The following CNTNAP3 variants were observed in gnomAD, a reference collection of about 807,000 sequenced individuals.
The protein encoded by CNTNAP3 is contactin associated protein family member 3, also known as contactin-associated protein-like 3.
In CNTNAP3, 36 loss-of-function variants were observed where a neutral mutation model predicts 92.1. The observed-to-expected ratio is 0.39, with a 90% CI of 0.30 to 0.52. The LOEUF is 0.52. Ranked by LOEUF, CNTNAP3 falls within the 20% of genes least tolerant of loss-of-function variation. The probability of loss-of-function intolerance (pLI) is 0.76; values close to 1 mark genes in which losing one functional copy is unlikely to be tolerated. For synonymous variants in CNTNAP3, 232 were observed against 422.3 expected, an observed-to-expected ratio of 0.55 and a Z score of 5.53; for missense variants, 534 against 1,069.6, an observed-to-expected ratio of 0.50 and a Z score of 6.98.
In CNTNAP3 at chr9:39,072,124, G is replaced by C. The variant is rs1406958452; in HGVS notation, c.*1766C>G. 8.9e-6 allele frequency among the ~76,000 whole-genome samples: 1 copy of C among 112,308 alleles called. No individual in the cohort carries two copies. Among genetic ancestry groups the C allele is most frequent in the Non-Finnish European group, 1.7e-5 (1 of 58,192 alleles). 73.7% of individuals were successfully genotyped at this position (112,308 alleles called of 152,430 possible). ...GTTTCGCTGTCTTGCAAAAGGTGCA[G>C]TGACCAATGGGCTGTCTGTACTCTC... On this transcript the variant is annotated 3_prime_UTR_variant, in exon 24 of 24. Coordinates refer to ENST00000297668, the MANE Select transcript of CNTNAP3 (RefSeq NM_033655.5).
At chr9:39,124,842 A>C (rs1368857170) in intron 13 of CNTNAP3, among the ~76,000 whole-genome samples, 1 of 152,210 alleles carries the variant, frequency 6.6e-6, no homozygotes, top group Non-Finnish European at 1.5e-5. Context: ...GATGATCATT[A>C]AAAAGTCAGG....
intron 14 of CNTNAP3, among the ~76,000 whole-genome samples, chr9:39,115,710 C>T (rs898257012): frequency 1.3e-5 from 2 of 151,944 alleles, no homozygotes; most frequent in Non-Finnish European, 2.9e-5. Flanking sequence ...CAAATGAAAG[C>T]CCAGGGCTTC....
chr9:39,142,177 A>G (rs1454507216), intron 11 of CNTNAP3, among the ~76,000 whole-genome samples: 1 of 152,210 alleles, frequency 6.6e-6, no homozygotes, highest in Non-Finnish European at 1.5e-5. Context: ...TGCAACATTA[A>G]ATGCAATCAG....
In CNTNAP3 at chr9:39,149,349, TG is replaced by T. The variant is rs1460222857; in HGVS notation, c.1649+456del. 8.3e-4 allele frequency among the ~76,000 whole-genome samples: 114 copies of T among 137,650 alleles called. 1 individual carries two copies. In the East Asian group the frequency reaches 9.3e-3, roughly 11 times the overall value. The allele number at this position is 137,650 out of a possible 152,430, so 90.3% of individuals were successfully genotyped here. ...TTTATTCCATTAGAGATGCAGTTTT[TG>T]TTTTTGTTTTTTTTTTTGAGACGCA... is the stretch of plus-strand genomic sequence containing the variant. On this transcript the variant is annotated intron_variant, in intron 10 of 23. Coordinates refer to ENST00000297668, the MANE Select transcript of CNTNAP3 (RefSeq NM_033655.5).
chr9:39,209,399 G>C (rs1406219488), intron 3 of CNTNAP3, among the ~76,000 whole-genome samples: 1 of 29,002 alleles, frequency 3.4e-5, no homozygotes, highest in Non-Finnish European at 7.2e-5. Flanking sequence ...CTAAAATCAG[G>C]AGGAAAAAAG....
At chr9:39,106,225 A>G (rs1160628888) in intron 15 of CNTNAP3, among the ~76,000 whole-genome samples, 2 of 152,214 alleles carry the variant, frequency 1.3e-5, no homozygotes, top group African/African-American at 2.4e-5. Flanking sequence ...GAAAAGAGAA[A>G]GGAAGAGGAA....
At chr9:39,108,369 G>A (rs1378428408) in intron 15 of CNTNAP3, among the ~76,000 whole-genome samples, 1 of 152,138 alleles carries the variant, frequency 6.6e-6, no homozygotes, top group Non-Finnish European at 1.5e-5. Flanking sequence ...GAAACTGCTT[G>A]GTATTAGGGG....
At chr9:39,123,634 T>C (rs2117998904) in intron 13 of CNTNAP3, among the ~76,000 whole-genome samples, 1 of 152,164 alleles carries the variant, frequency 6.6e-6, no homozygotes, top group South Asian at 2.1e-4. Flanking sequence ...TTGAAGACTT[T>C]CTTAAAATTA....
intron 17 of CNTNAP3, among the ~76,000 whole-genome samples, chr9:39,100,722 G>T (rs1284352160): frequency 6.6e-6 from 1 of 152,022 alleles, no homozygotes; most frequent in Non-Finnish European, 1.5e-5. Flanking sequence ...CTCTCAGAGG[G>T]TACAGTGCTA....
chr9:39,078,727 C>T lies in CNTNAP3; in HGVS notation c.3636G>A (p.Pro1212=), dbSNP rs764918762. 38 of 1,509,484 alleles carry T rather than the reference C, an allele frequency of 2.5e-5. No individual in the cohort carries two copies. The highest frequency in any genetic ancestry group is 2.4e-4 in the Middle Eastern group (1 of 4,168). The allele number at this position is 1,509,484 out of a possible 1,614,324, so 93.5% of individuals were successfully genotyped here. The change falls in exon 22 of 24, where the codon CCG becomes CCA. Residue 1212 remains proline (P), a synonymous_variant. Coordinates refer to ENST00000297668, the MANE Select transcript of CNTNAP3 (RefSeq NM_033655.5). Reference sequence around the variant, plus strand: ...CGAGTCGGGGAGCCAGTTCCCGCGCCGGGGAGCCGGACGCCGCCCCCGCTG... The same window carrying T: ...CGAGTCGGGGAGCCAGTTCCCGCGCTGGGGAGCCGGACGCCGCCCCCGCTG... ...RCAAGAASGS[P]ARELAPRLAG...
At chr9:39,125,311 G>A (rs932607569) in intron 13 of CNTNAP3, among the ~76,000 whole-genome samples, 19 of 151,524 alleles carry the variant, frequency 1.3e-4, no homozygotes, top group African/African-American at 3.6e-4. Flanking sequence ...TGAACAATGA[G>A]AACACTTGGA....
At position 39,118,206 on chromosome 9, in the gene CNTNAP3, A is replaced by G; in HGVS notation, c.2134T>C (p.Trp712Arg). 2 of 1,609,484 alleles carry G rather than the reference A, an allele frequency of 1.2e-6. No homozygotes were observed. Among genetic ancestry groups the G allele is most frequent in the Non-Finnish European group, 1.7e-6 (2 of 1,178,818 alleles). Residue 712 changes from tryptophan (W) to arginine (R), a missense_variant, in exon 14 of 24, where the codon TGG becomes CGG. Coordinates refer to ENST00000297668, the MANE Select transcript of CNTNAP3 (RefSeq NM_033655.5). Reference protein sequence around the residue: ...VGRTNETHTSWGGSLPDAQKC... With the variant: ...VGRTNETHTSRGGSLPDAQKC... ...TGAGCATCAGGCAGAGAACCTCCCCAGGAAGTGTGTGTTTCATTGGTTCTT... is the reference window on the plus strand; with the variant it reads ...TGAGCATCAGGCAGAGAACCTCCCCGGGAAGTGTGTGTTTCATTGGTTCTT...
At position 39,065,305 on chromosome 9, in the gene CNTNAP3, G is replaced by A. The variant is rs1490851971; in HGVS notation, c.*8585C>T. On this transcript the variant is annotated 3_prime_UTR_variant, in exon 24 of 24. Transcript: ENST00000297668. Reference sequence around the variant, plus strand: ...TCAGCCATGTTTGTTGCAGTTACCAGTAGTTTTGTCCATTTTATAGCTGAA... The same window carrying A: ...TCAGCCATGTTTGTTGCAGTTACCAATAGTTTTGTCCATTTTATAGCTGAA... Among the ~76,000 whole-genome samples the A allele has an allele frequency of 5.3e-5, 8 of 152,368 alleles. No homozygotes were observed. The highest frequency in any genetic ancestry group is 1.7e-4 in the African/African-American group (7 of 41,572).
intron 13 of CNTNAP3, among the ~76,000 whole-genome samples, chr9:39,120,121 T>C (rs1479939826): frequency 6.6e-6 from 1 of 151,900 alleles, no homozygotes; most frequent in Admixed American, 6.6e-5. Flanking sequence ...CAAAAAAGGA[T>C]AAACCCAAAA....
At position 39,078,667 on chromosome 9, in the gene CNTNAP3, C is replaced by T. The variant is rs200150430; in HGVS notation, c.3673+23G>A. On this transcript the variant is annotated intron_variant, in intron 22 of 23. Coordinates refer to ENST00000297668, the MANE Select transcript of CNTNAP3 (RefSeq NM_033655.5). ...TTTGAGAGAAGCGCAGTTTCAGGTG[C>T]GCAGGGGTGGAGGGCCACACACCTG... 8.6e-3 allele frequency: 13,372 copies of T among 1,546,354 alleles called. 2 individuals carry two copies. Among genetic ancestry groups the T allele is most frequent in the Non-Finnish European group, 0.011 (12,176 of 1,145,250 alleles).
chr9:39,074,619 G>A (rs908907309), intron 23 of CNTNAP3, among the ~76,000 whole-genome samples: 1 of 151,748 alleles, frequency 6.6e-6, no homozygotes, highest in East Asian at 1.9e-4. Context: ...CTCTAAGACC[G>A]CGTACATCCT....
chr9:39,123,462 G>A (rs886105396), intron 13 of CNTNAP3, among the ~76,000 whole-genome samples: 1 of 151,896 alleles, frequency 6.6e-6, no homozygotes, highest in Non-Finnish European at 1.5e-5. Context: ...GTAGAAGGAA[G>A]AGAGTGAGAA....
chr9:39,143,676 T>C (rs183605352), intron 11 of CNTNAP3, among the ~76,000 whole-genome samples: 2,595 of 152,006 alleles, frequency 0.017, 75 homozygotes, highest in African/African-American at 0.06. Context: ...ACAATCATCA[T>C]CACCACCACC....
rs1484820189 is a variant in CNTNAP3 at position 39,206,650 on chromosome 9, G to A, written c.391-13375C>T. Among the ~76,000 whole-genome samples, 4 of 20,314 alleles carry A rather than the reference G, an allele frequency of 2.0e-4. 2 individuals carry two copies. The highest frequency in any genetic ancestry group is 5.0e-4 in the Non-Finnish European group (4 of 7,930). The allele number at this position is 20,314 out of a possible 152,430, so 13.3% of individuals were successfully genotyped here. A position where few individuals can be genotyped will look rare whatever the true frequency, so the allele number is the denominator to read the frequency against. On this transcript the variant is annotated intron_variant, in intron 3 of 23. Coordinates refer to ENST00000297668, the MANE Select transcript of CNTNAP3 (RefSeq NM_033655.5). ...GACGGGGTCCGAAGAAATTCAGATC[G>A]GTGAACGGGTGAACCACACAGAGAA... is the stretch of plus-strand genomic sequence containing the variant.
Sources: gnomAD v4.1 joint callset for allele counts (sites outside exome capture counted in the v4.1 genomes callset) on GRCh38, gnomAD v4.1.1 for gene constraint, MANE v1.5 for transcripts, NCBI Gene and HGNC (gene_info 2026-07-23, HGNC 2026-07-21) for gene names.